Variants in SCN2A observed in about 807,000 individuals in gnomAD.
The protein encoded by SCN2A is sodium voltage-gated channel alpha subunit 2, also known as sodium channel protein type 2 subunit alpha.
A neutral mutation model predicts 188.7 loss-of-function variants in SCN2A; 20 were observed. The observed-to-expected ratio is 0.11, with a 90% CI of 0.07 to 0.15. The LOEUF (loss-of-function observed/expected upper bound fraction) is 0.15. SCN2A is among the 10% of genes least tolerant of loss of function. The pLI, the probability that SCN2A is intolerant of heterozygous loss-of-function variation, is 1.00. For synonymous variants in SCN2A, 804 were observed against 833.1 expected, an observed-to-expected ratio of 0.97 and a Z score of 0.60; for missense variants, 1,278 against 2,445.0, an observed-to-expected ratio of 0.52 and a Z score of 10.07.
intron 1 of SCN2A, among the ~76,000 whole-genome samples, chr2:165,249,998 T>G: frequency 6.6e-6 from 1 of 152,048 alleles, no homozygotes; most frequent in East Asian, 1.9e-4. Context: ...CAAACGTCAC[T>G]TCCTTTATAA....
intron 1 of SCN2A, among the ~76,000 whole-genome samples, chr2:165,288,448 G>C (rs1399584979): frequency 7.1e-6 from 1 of 139,870 alleles, no homozygotes; most frequent in Admixed American, 7.2e-5. Flanking sequence ...TTTATTTCAA[G>C]AAAGAGAAAA....
At chr2:165,257,296 G>A (rs949132527) in intron 1 of SCN2A, among the ~76,000 whole-genome samples, 14 of 152,136 alleles carry the variant, frequency 9.2e-5, no homozygotes, top group Non-Finnish European at 1.3e-4. Flanking sequence ...AGGTATAATT[G>A]TGGTCTTCTA....
At chr2:165,316,776 T>C (rs539946223) in intron 11 of SCN2A, among the ~76,000 whole-genome samples, 5 of 152,334 alleles carry the variant, frequency 3.3e-5, no homozygotes, top group African/African-American at 1.2e-4. Context: ...TAATTAATGC[T>C]AACAGTTCTG....
chr2:165,284,931 G>A (rs897363736), intron 1 of SCN2A, among the ~76,000 whole-genome samples: 3 of 152,102 alleles, frequency 2.0e-5, no homozygotes, highest in South Asian at 2.1e-4. Context: ...ATTTTAAAAC[G>A]TTGCAGCAAT....
chr2:165,262,171 G>A (rs1694622331), intron 1 of SCN2A, among the ~76,000 whole-genome samples: 1 of 136,400 alleles, frequency 7.3e-6, no homozygotes, highest in Admixed American at 7.6e-5. Flanking sequence ...GTGCAGGTTT[G>A]TTACACAGGT....
chr2:165,380,626 A>G lies in SCN2A; in HGVS notation c.4343A>G (p.Tyr1448Cys), dbSNP rs1159881315. ...CAACCCAAGTATGAAGACAACCTGTACATGTATCTTTATTTTGTCATCTTT... is the reference window on the plus strand; with the variant it reads ...CAACCCAAGTATGAAGACAACCTGTGCATGTATCTTTATTTTGTCATCTTT... ...ELQPKYEDNL[Y>C]MYLYFVIFII... The change falls in exon 24 of 27, where the codon TAC (tyrosine) becomes TGC (cysteine). Residue 1448 changes from tyrosine to cysteine, a missense_variant. Around this residue, in one of 17 missense-constraint regions of SCN2A, gnomAD observed 97 missense variants for 266.1 expected, o/e 0.36. Coordinates refer to ENST00000375437, the MANE Select transcript of SCN2A (RefSeq NM_001040142.2). 1 of 1,583,156 alleles carries G rather than the reference A, an allele frequency of 6.3e-7. No individual in the cohort carries two copies. Among genetic ancestry groups the G allele is most frequent in the Non-Finnish European group, 8.7e-7 (1 of 1,153,028 alleles).
At chr2:165,370,094 C>G (rs530599833) in intron 19 of SCN2A, 32 bp from the exon 20 acceptor site, 1 of 1,586,714 alleles carries the variant, frequency 6.3e-7, no homozygotes, top group East Asian at 2.2e-5. Context: ...TGTTTCTGAT[C>G]ATAAAATTTA....
At chr2:165,279,762 G>T (rs1285695855) in intron 1 of SCN2A, among the ~76,000 whole-genome samples, 1 of 152,098 alleles carries the variant, frequency 6.6e-6, no homozygotes, top group Non-Finnish European at 1.5e-5. Flanking sequence ...GAGGGAGATA[G>T]ATGACATTAA....
At chr2:165,254,832 G>A (rs1228442095) in intron 1 of SCN2A, among the ~76,000 whole-genome samples, 1 of 151,556 alleles carries the variant, frequency 6.6e-6, no homozygotes, top group African/African-American at 2.4e-5. Context: ...TTAACTTTAT[G>A]ATTTTATGAC....
intron 1 of SCN2A, among the ~76,000 whole-genome samples, chr2:165,280,128 C>T (rs539152983): frequency 1.6e-4 from 25 of 152,128 alleles, no homozygotes; most frequent in Non-Finnish European, 3.5e-4. Context: ...TGAAAACAGA[C>T]TAATACATTC....
intron 25 of SCN2A, among the ~76,000 whole-genome samples, chr2:165,386,481 A>T (rs988494023): frequency 2.6e-5 from 4 of 151,714 alleles, no homozygotes; most frequent in African/African-American, 4.8e-5. Flanking sequence ...AAAAAAAATT[A>T]AAAAAAAGAG....
At chr2:165,336,679 C>A (rs1699013625) in intron 14 of SCN2A, among the ~76,000 whole-genome samples, 4 of 151,890 alleles carry the variant, frequency 2.6e-5, no homozygotes, top group Admixed American at 2.6e-4. Flanking sequence ...TTTTACAAGT[C>A]TGTGAATATA....
intron 1 of SCN2A, among the ~76,000 whole-genome samples, chr2:165,291,525 T>TTCCTTCCTTCCTTCC (rs1696182781): frequency 1.7e-5 from 1 of 58,604 alleles, no homozygotes; most frequent in Admixed American, 2.2e-4. Flanking sequence ...CTCTCCTTTC[T>TTCCTTCCTTCCTTCC]TTCCTTCCTT....
At chr2:165,255,705 G>A (rs114058427) in intron 1 of SCN2A, among the ~76,000 whole-genome samples, 1,548 of 152,176 alleles carry the variant, frequency 0.01, 23 homozygotes, top group African/African-American at 0.035. Flanking sequence ...TCTTCATGAA[G>A]GAGATATTGA....
chr2:165,307,692 G>A (rs1697210966), intron 3 of SCN2A, among the ~76,000 whole-genome samples, 156 bp from the exon 4 acceptor site: 1 of 142,004 alleles, frequency 7.0e-6, no homozygotes, highest in Admixed American at 7.2e-5. Context: ...AGGTTGCTGA[G>A]TTATAGAAAT....
chr2:165,323,484 G>A lies in SCN2A; in HGVS notation c.2000G>A (p.Gly667Glu). Residue 667 changes from glycine to glutamate, a missense_variant, in exon 12 of 27, where the codon GGG (glycine) becomes GAG (glutamate). Gly to Glu is a moderately conservative substitution (Grantham distance 98, BLOSUM62 -2). This residue lies in a region of SCN2A where 315 missense variants were observed against 386.6 expected (regional missense o/e 0.81). Coordinates refer to ENST00000375437, the MANE Select transcript of SCN2A (RefSeq NM_001040142.2). ...GGCCCTTCTACCCTCACATCTGCTGGGCAGCTCCTACCAGAGGTGAGGCCA... is the reference window on the plus strand; with the variant it reads ...GGCCCTTCTACCCTCACATCTGCTGAGCAGCTCCTACCAGAGGTGAGGCCA... ...VGGPSTLTSA[G>E]QLLPEGTTTE... 1 of 1,612,972 alleles carries A rather than the reference G, an allele frequency of 6.2e-7. No individual in the cohort carries two copies. Among genetic ancestry groups the A allele is most frequent in the Non-Finnish European group, 8.5e-7 (1 of 1,179,548 alleles).
chr2:165,269,957 G>A (rs1381287231), intron 1 of SCN2A: 1 of 151,644 alleles, frequency 6.6e-6, no homozygotes, highest in Admixed American at 6.6e-5. Flanking sequence ...CTTCTCTTCT[G>A]TTCTTTTTCA....
At position 165,309,352 on chromosome 2, in the gene SCN2A, A is replaced by G. The variant is rs2105244839; in HGVS notation, c.606A>G (p.Ala202=). 3 of 1,613,602 alleles carry G rather than the reference A, an allele frequency of 1.9e-6. No homozygotes were observed. The highest frequency in any genetic ancestry group is 2.5e-6 in the Non-Finnish European group (3 of 1,179,696). The change falls in exon 6 of 27, where the codon GCA becomes GCG. Residue 202 remains alanine, a splice_region_variant and synonymous_variant. Coordinates refer to ENST00000375437, the MANE Select transcript of SCN2A (RefSeq NM_001040142.2). The stretch of plus-strand genomic sequence containing the variant: ...TTTGTGTGTGAACCCCCTATTACAG[A>G]TATGTGACAGAGTTTGTGGACCTGG... The part of the protein sequence containing the change: ...NWLDFTVITF[A]YVTEFVDLGN...
intron 1 of SCN2A, among the ~76,000 whole-genome samples, chr2:165,247,724 T>G (rs542260270): frequency 6.6e-6 from 1 of 152,328 alleles, no homozygotes; most frequent in East Asian, 1.9e-4. Flanking sequence ...CCATTGAGTT[T>G]TATGGCGTTA....
Sources: gnomAD v4.1 joint callset for allele counts (sites outside exome capture counted in the v4.1 genomes callset) on GRCh38, gnomAD v4.1.1 for gene constraint, gnomAD v4.1.1 regional missense constraint, MANE v1.5 for transcripts, NCBI Gene and HGNC (gene_info 2026-07-23, HGNC 2026-07-21) for gene names.